Variants in CCL26 observed in about 807,000 individuals in gnomAD.
CCL26 encodes the protein C-C motif chemokine ligand 26, also known as C-C motif chemokine 26.
In CCL26, 10 loss-of-function variants were observed where a neutral mutation model predicts 10.7. That is an observed-to-expected ratio of 0.93 (90% confidence interval 0.57 to 1.58). CCL26 has a LOEUF of 1.58. Ranked by LOEUF, CCL26 falls within the 40% of genes most tolerant of loss-of-function variation. The probability of loss-of-function intolerance (pLI) is 0.00; values close to 1 mark genes in which losing one functional copy is unlikely to be tolerated. For missense variants in CCL26, 116 were observed against 111.0 expected (o/e 1.05, Z -0.20); for synonymous variants, 43 against 41.4 (o/e 1.04, Z -0.15).
intron 1 of CCL26, among the ~76,000 whole-genome samples, chr7:75,779,719 CTG>C (rs1234752241): frequency 1.2e-4 from 18 of 152,342 alleles, no homozygotes; most frequent in African/African-American, 3.8e-4. Context: ...TCATTGTTGT[CTG>C]ATCACCGCAG....
chr7:75,771,461 T>C (rs10240646), intron 2 of CCL26, among the ~76,000 whole-genome samples: 46,005 of 151,930 alleles, frequency 0.3, 7,679 homozygotes, highest in African/African-American at 0.44. Context: ...TGACTCACAC[T>C]TGTAATCCCA....
chr7:75,771,785 G>A (rs2115637256), intron 2 of CCL26, 104 bp downstream of exon 2: 6 of 745,296 alleles, frequency 8.1e-6, no homozygotes, highest in African/African-American at 1.7e-5. Flanking sequence ...GCAGAGGTGG[G>A]GTTTCCAGGT....
At chr7:75,777,086 G>A (rs551878197), upstream of CCL26, among the ~76,000 whole-genome samples, 73 of 152,168 alleles carry the variant, frequency 4.8e-4, no homozygotes, top group African/African-American at 1.6e-3. Flanking sequence ...CAAAAAATTA[G>A]CCGGGTGTGG....
chr7:75,787,651 C>CAAAAAAAAAAAAAAAAAAA (rs55770109), intron 1 of CCL26, among the ~76,000 whole-genome samples: 1 of 27,748 alleles, frequency 3.6e-5, no homozygotes, highest in Non-Finnish European at 5.8e-5. Flanking sequence ...TCTCCAAAAG[C>CAAAAAAAAAAAAAAAAAAA]AAAAAAAAAA....
intron 2 of CCL26, among the ~76,000 whole-genome samples, chr7:75,771,609 G>A (rs1327416189): frequency 6.6e-6 from 1 of 152,204 alleles, no homozygotes; most frequent in Admixed American, 6.5e-5. Context: ...CCAGCTACTT[G>A]GGAGGCTGAG....
chr7:75,772,789 A>T (rs886665686), upstream of CCL26, among the ~76,000 whole-genome samples: 1 of 152,202 alleles, frequency 6.6e-6, no homozygotes, highest in Non-Finnish European at 1.5e-5. Context: ...GGCAGGCCCC[A>T]GGGAGTCTGG....
upstream of CCL26, among the ~76,000 whole-genome samples, chr7:75,774,698 A>G (rs7789953): frequency 0.29 from 44,693 of 151,744 alleles, 7,204 homozygotes; most frequent in African/African-American, 0.43. Flanking sequence ...TGCCCGCCTC[A>G]GCCTCCCAAA....
At chr7:75,788,095 A>C (rs1333928863) in intron 1 of CCL26, among the ~76,000 whole-genome samples, 1 of 151,732 alleles carries the variant, frequency 6.6e-6, no homozygotes, top group Non-Finnish European at 1.5e-5. Flanking sequence ...CACCCCCAAA[A>C]ATTTTCGCCG....
chr7:75,772,971 C>G (rs1390821989), upstream of CCL26, among the ~76,000 whole-genome samples: 1 of 152,134 alleles, frequency 6.6e-6, no homozygotes, highest in Non-Finnish European at 1.5e-5. Context: ...CATTGCTTAT[C>G]TCTGTGTGGA....
chr7:75,788,269 G>A (rs1803246926), intron 1 of CCL26, among the ~76,000 whole-genome samples: 1 of 152,040 alleles, frequency 6.6e-6, no homozygotes, highest in South Asian at 2.1e-4. Context: ...AAGTGAAAAT[G>A]GCCTGTTCTT....
intron 1 of CCL26, among the ~76,000 whole-genome samples, chr7:75,785,006 A>G (rs1803152342): frequency 6.6e-6 from 1 of 151,968 alleles, no homozygotes; most frequent in Non-Finnish European, 1.5e-5. Flanking sequence ...TCTCCTTACA[A>G]TTTCCCCATT....
At chr7:75,779,369 G>T (rs6966402) in intron 1 of CCL26, among the ~76,000 whole-genome samples, 28,120 of 152,092 alleles carry the variant, frequency 0.18, 3,028 homozygotes, top group Admixed American at 0.34. Context: ...ATGTCCTCCT[G>T]CTCTTTGCTC....
At chr7:75,777,580 T>C (rs533330266) in intron 1 of CCL26, among the ~76,000 whole-genome samples, 63 of 151,984 alleles carry the variant, frequency 4.1e-4, no homozygotes, top group African/African-American at 1.5e-3. Context: ...AGACTCCATC[T>C]CTACAAAAAG....
At chr7:75,776,547 AG>A (rs1310400766), upstream of CCL26, among the ~76,000 whole-genome samples, 52 of 103,964 alleles carry the variant, frequency 5.0e-4, no homozygotes, top group South Asian at 1.2e-3. Context: ...GAAGGAAGGA[AG>A]GAAGGAAGGA....
chr7:75,770,193 C>T (rs1159389012), intron 2 of CCL26, among the ~76,000 whole-genome samples: 3 of 151,874 alleles, frequency 2.0e-5, no homozygotes, highest in Non-Finnish European at 4.4e-5. Context: ...CCTCAGACTC[C>T]CAAGTAGCTG....
intron 1 of CCL26, among the ~76,000 whole-genome samples, chr7:75,777,495 C>T (rs931193071): frequency 6.6e-6 from 1 of 151,924 alleles, no homozygotes; most frequent in Non-Finnish European, 1.5e-5. Flanking sequence ...CACTGCTAAT[C>T]CCAGCACTTT....
chr7:75,790,773 G>A (rs1299307460), upstream of CCL26, among the ~76,000 whole-genome samples: 3 of 151,758 alleles, frequency 2.0e-5, no homozygotes, highest in Admixed American at 1.3e-4. Flanking sequence ...GTGAAATCCC[G>A]TCTCTATTAA....
chr7:75,774,947 C>A (rs1178763801), upstream of CCL26, among the ~76,000 whole-genome samples: 1 of 151,764 alleles, frequency 6.6e-6, no homozygotes, highest in South Asian at 2.1e-4. Flanking sequence ...TGGTCGGGCC[C>A]GGTGGCTCAC....
chr7:75,781,874 TA>T (rs1175265983), intron 1 of CCL26, among the ~76,000 whole-genome samples: 11 of 152,118 alleles, frequency 7.2e-5, no homozygotes, highest in Admixed American at 3.9e-4. Flanking sequence ...CCAGGTGAAA[TA>T]AACAGCTTTG....
Sources: allele counts gnomAD v4.1 joint callset (sites outside exome capture counted in the v4.1 genomes callset), GRCh38; gene constraint gnomAD v4.1.1; transcripts MANE v1.5; gene names NCBI Gene and HGNC (gene_info 2026-07-23, HGNC 2026-07-21).